NPAS3: variants seen among roughly 807,000 people sequenced by gnomAD.
NPAS3 encodes the protein neuronal PAS domain-containing protein 3.
Under a neutral mutation model 73.1 loss-of-function variants are expected in NPAS3, and 14 were observed. The ratio of observed to expected loss-of-function variants is 0.19; its 90% CI spans 0.13 to 0.30. The LOEUF (loss-of-function observed/expected upper bound fraction) is 0.30. Among genes scored for constraint, NPAS3 ranks in the 10% least tolerant of loss-of-function variants. NPAS3 has a pLI of 1.00. For missense variants in NPAS3, 1,096 were observed against 1,250.0 expected (o/e 0.88, Z 1.86); for synonymous variants, 620 against 541.5 (o/e 1.14, Z -2.01).
chr14:33,215,373 A>C, exon 3 of NPAS3: 1 of 1,613,322 alleles, frequency 6.2e-7, no homozygotes, highest in South Asian at 1.1e-5. Flanking sequence ...AACCAGGGGG[A>C]CCCTCCGTGG....
At position 33,264,292 on chromosome 14, in the gene NPAS3, A is replaced by G. The variant is rs371299040; in HGVS notation, c.385+48866A>G. 1.5e-4 allele frequency among the ~76,000 whole-genome samples: 23 copies of G among 152,154 alleles called. No individual in the cohort carries two copies. The South Asian group carries it at 4.4e-3, about 29-fold the overall frequency. On this transcript the variant is annotated intron_variant, in intron 3 of 11. Coordinates refer to ENST00000356141, the Ensembl canonical transcript of NPAS3. ...TGTTGTGGGGTAGGGGGAGGGGGGA[A>G]GGATAGCATTAGGAGATATACCTAA...
chr14:33,654,178 ATT>A (rs5807736), intron 5 of NPAS3, among the ~76,000 whole-genome samples: 9,716 of 149,718 alleles, frequency 0.065, 470 homozygotes, highest in East Asian at 0.19. Flanking sequence ...ATCCTGTGCC[ATT>A]TTTTTTTTTC....
chr14:33,466,324 T>C (rs866001691), intron 4 of NPAS3, among the ~76,000 whole-genome samples: 13 of 152,174 alleles, frequency 8.5e-5, no homozygotes, highest in Non-Finnish European at 1.0e-4. Flanking sequence ...GAGTTTAGAA[T>C]AGAAAAACAC....
intron 4 of NPAS3, among the ~76,000 whole-genome samples, chr14:33,426,588 G>C (rs552702806): frequency 6.6e-6 from 1 of 152,064 alleles, no homozygotes; most frequent in African/African-American, 2.4e-5. Context: ...TATCATGAGC[G>C]AGGATACTTA....
At chr14:32,938,461 G>GAGAGAGAGAGAAAT (rs2035774660), upstream of NPAS3, among the ~76,000 whole-genome samples, 1 of 88,660 alleles carries the variant, frequency 1.1e-5, no homozygotes, top group South Asian at 3.8e-4. Flanking sequence ...ACGAGAAAGA[G>GAGAGAGAGAGAAAT]AGAGAGAGAG....
At position 33,800,380 on chromosome 14, in the gene NPAS3, C is replaced by A; in HGVS notation, c.2073C>A (p.Phe691Leu). 1 of 1,607,868 alleles carries A rather than the reference C, an allele frequency of 6.2e-7. No individual in the cohort carries two copies. The highest frequency in any genetic ancestry group is 8.5e-7 in the Non-Finnish European group (1 of 1,178,142). Reference sequence around the variant, plus strand: ...CCAAGCCCCCCAGCTCTGAGCACTTCCCGTCCCCGCAGGGCGGCGGCGGTG... The same window carrying A: ...CCAAGCCCCCCAGCTCTGAGCACTTACCGTCCCCGCAGGGCGGCGGCGGTG... The change falls in exon 12 of 12, where the codon TTC becomes TTA. Residue 691 changes from phenylalanine (F) to leucine (L), a missense_variant. Phe to Leu is a conservative substitution (Grantham distance 22). Coordinates refer to ENST00000356141, the Ensembl canonical transcript of NPAS3. This position sits in a 1 kb window ranked among gnomAD's most constrained non-coding sequence, Gnocchi z 6.5.
chr14:33,756,351 G>A (rs796525321), intron 7 of NPAS3, among the ~76,000 whole-genome samples: 25 of 152,230 alleles, frequency 1.6e-4, no homozygotes, highest in African/African-American at 5.3e-4. Flanking sequence ...TTGTATTCAC[G>A]AAGTAACTAA....
At chr14:33,308,449 T>C (rs1204108239) in intron 3 of NPAS3, among the ~76,000 whole-genome samples, 2 of 150,352 alleles carry the variant, frequency 1.3e-5, no homozygotes, top group Non-Finnish European at 3.0e-5. Flanking sequence ...TTCTGAAGAG[T>C]GTGATTGAAG....
intron 5 of NPAS3, among the ~76,000 whole-genome samples, chr14:33,595,630 A>G (rs571615025): frequency 3.5e-4 from 53 of 152,324 alleles, no homozygotes; most frequent in Non-Finnish European, 6.8e-4. Context: ...GTAAGGAGGG[A>G]AAAGAGAAAG....
intron 2 of NPAS3, among the ~76,000 whole-genome samples, chr14:33,175,737 TG>T (rs1462954963): frequency 1.3e-5 from 2 of 152,182 alleles, no homozygotes; most frequent in Admixed American, 1.3e-4. Context: ...AACATCCCAA[TG>T]GGATGACATC....
chr14:33,132,585 C>A (rs1334832364), intron 2 of NPAS3, among the ~76,000 whole-genome samples: 1 of 151,972 alleles, frequency 6.6e-6, no homozygotes, highest in African/African-American at 2.4e-5. Flanking sequence ...GTAGATGGAT[C>A]CCTCAGGAGT....
At chr14:33,005,460 GC>G (rs1470534919) in intron 1 of NPAS3, among the ~76,000 whole-genome samples, 1 of 152,102 alleles carries the variant, frequency 6.6e-6, no homozygotes, top group African/African-American at 2.4e-5. Context: ...TTTTTCAGCT[GC>G]CCAGTACTCA....
At chr14:33,404,508 T>G (rs1170176522) in intron 4 of NPAS3, among the ~76,000 whole-genome samples, 3 of 152,122 alleles carry the variant, frequency 2.0e-5, no homozygotes, top group African/African-American at 4.8e-5. Context: ...TCTTTAGATC[T>G]TACAGCTAAT....
At chr14:33,270,226 G>A (rs922288725) in intron 3 of NPAS3, among the ~76,000 whole-genome samples, 3 of 152,120 alleles carry the variant, frequency 2.0e-5, no homozygotes, top group African/African-American at 7.2e-5. Flanking sequence ...CAGAGACTGA[G>A]AGTAATGCTT....
At chr14:33,793,143 C>T (rs1405903026) in intron 9 of NPAS3, among the ~76,000 whole-genome samples, 1 of 152,224 alleles carries the variant, frequency 6.6e-6, no homozygotes, top group Non-Finnish European at 1.5e-5. Flanking sequence ...TTTAATGGCA[C>T]CGTTTCACAT....
chr14:33,038,955 G>A (rs1381870902), intron 1 of NPAS3, among the ~76,000 whole-genome samples: 2 of 152,162 alleles, frequency 1.3e-5, no homozygotes, highest in South Asian at 2.1e-4. Context: ...ATCCTATTGA[G>A]TATGAGTGGC....
At chr14:33,781,542 T>G (rs2062978976) in intron 9 of NPAS3, among the ~76,000 whole-genome samples, 2 of 152,352 alleles carry the variant, frequency 1.3e-5, no homozygotes, top group Non-Finnish European at 2.9e-5. Flanking sequence ...CTGTGCCTTC[T>G]TGGCAGGAGA....
intron 5 of NPAS3, among the ~76,000 whole-genome samples, chr14:33,580,584 G>A (rs1239418611): frequency 6.6e-6 from 1 of 152,130 alleles, no homozygotes. Flanking sequence ...ATCCCCCGGG[G>A]CAATGCAGAA....
At chr14:33,346,663 C>A (rs2044750225) in intron 3 of NPAS3, among the ~76,000 whole-genome samples, 1 of 151,828 alleles carries the variant, frequency 6.6e-6, no homozygotes, top group Non-Finnish European at 1.5e-5. Context: ...GTTTATAAAG[C>A]CATGGGGAAA....
Sources: allele counts gnomAD v4.1 joint callset (sites outside exome capture counted in the v4.1 genomes callset), GRCh38; gene constraint gnomAD v4.1.1; non-coding constraint Gnocchi (gnomAD v3.1); transcripts MANE v1.5; gene names NCBI Gene and HGNC (gene_info 2026-07-23, HGNC 2026-07-21).